ING1: variants seen among roughly 807,000 people sequenced by gnomAD.
ING1 encodes the protein inhibitor of growth protein 1.
In ING1, 4 loss-of-function variants were observed where a neutral mutation model predicts 23.1. That is an observed-to-expected ratio of 0.17 (90% CI 0.09 to 0.40). The LOEUF (loss-of-function observed/expected upper bound fraction) is 0.40, where lower values mean the gene tolerates loss of function less well. Among genes scored for constraint, ING1 ranks in the 10% least tolerant of loss-of-function variants. The pLI is 1.00. For missense variants in ING1, 256 were observed against 393.8 expected (o/e 0.65, Z 2.96); for synonymous variants, 179 against 166.4 (o/e 1.08, Z -0.58).
At chr13:110,712,677 G>A, upstream of ING1, 1 of 658,334 alleles carries the variant, frequency 1.5e-6, no homozygotes, top group South Asian at 1.5e-5. Context: ...ATGGCCTCAG[G>A]ACGCCGGCCG....
upstream of ING1, chr13:110,713,370 C>G: frequency 2.8e-6 from 3 of 1,058,542 alleles, no homozygotes; most frequent in Non-Finnish European, 3.4e-6. Context: ...AAGCAGGCCG[C>G]TCCCCTGCGT....
In ING1 at chr13:110,713,832, C is replaced by G. The variant is rs1471054461; in HGVS notation, c.-318C>G. The G allele has an allele frequency of 4.1e-6, 4 of 983,336 alleles. No homozygotes were observed. In the African/African-American group the frequency reaches 7.0e-5, roughly 17 times the overall value. The allele number at this position is 983,336 out of a possible 1,614,324, so 60.9% of individuals were successfully genotyped here. On this transcript the variant is annotated 5_prime_UTR_variant, in exon 1 of 2. Transcript: ENST00000333219. The stretch of plus-strand genomic sequence containing the variant: ...CGGCGGCCGCGGCGCTGGGCCCTCT[C>G]CCGCCGGTGTGTGCGCGCTCGTACG...
rs1468529427 is a variant in ING1 at position 110,721,650 on chromosome 13, A to C, written c.*1718A>C. ...GAGTGCAGTGGCCCAGTCTTGGCTC[A>C]CTGCAACCTCTGCCTCTCGGGTTCA... On this transcript the variant is annotated 3_prime_UTR_variant, in exon 2 of 2. Coordinates refer to ENST00000333219, the MANE Select transcript of ING1 (RefSeq NM_198219.3). The C allele has an allele frequency of 7.0e-6, 1 of 142,038 alleles. No homozygotes were observed. Among genetic ancestry groups the C allele is most frequent in the African/African-American group, 2.7e-5 (1 of 37,178 alleles). The allele number at this position is 142,038 out of a possible 1,614,324, so 8.8% of individuals were successfully genotyped here. A position where few individuals can be genotyped will look rare whatever the true frequency, so the allele number is the denominator to read the frequency against.
Position 110,713,769 on chromosome 13 carries a change from C to G in ING1, c.-381C>G. On this transcript the variant is annotated 5_prime_UTR_variant, in exon 1 of 2. Transcript: ENST00000333219. ...GCGCCCCTTCCCGCTGCCCGCTCCG[C>G]TCCTCTCTTCTACCCAGCCCAGTGG... 1 of 985,080 alleles carries G rather than the reference C, an allele frequency of 1.0e-6. No homozygotes were observed. Among genetic ancestry groups the G allele is most frequent in the East Asian group, 1.1e-4 (1 of 8,794 alleles). The allele number at this position is 985,080 out of a possible 1,614,324, so 61.0% of individuals were successfully genotyped here.
At chr13:110,715,057 T>C (rs2064096943) in intron 1 of ING1, 1 of 1,008,190 alleles carries the variant, frequency 9.9e-7, no homozygotes, top group Non-Finnish European at 1.2e-6. Flanking sequence ...GAGAGGACTG[T>C]GGCAGGTGAG....
chr13:110,714,768 C>T (rs7330080), intron 1 of ING1, among the ~76,000 whole-genome samples: 91,058 of 152,032 alleles, frequency 0.6, 30,187 homozygotes, highest in Non-Finnish European at 0.74. Context: ...TTCTTCGTCG[C>T]CCCCCACTCA....
upstream of ING1, chr13:110,713,209 T>G (rs371661157): frequency 3.9e-4 from 561 of 1,420,602 alleles, 3 homozygotes; most frequent in East Asian, 0.012. Context: ...CTACTGCGGT[T>G]GCCAGTTCTG....
intron 1 of ING1, chr13:110,715,631 A>T: frequency 6.2e-7 from 1 of 1,613,854 alleles, no homozygotes; most frequent in Non-Finnish European, 8.5e-7. Context: ...CTCGGCCTCC[A>T]GCCTTGGATT....
chr13:110,715,748 C>G (rs1259689159), intron 1 of ING1: 1 of 1,582,972 alleles, frequency 6.3e-7, no homozygotes, highest in African/African-American at 1.3e-5. Flanking sequence ...GGCGGCGGCT[C>G]TCGGGGTGCG....
At chr13:110,713,629 G>A (rs1001128742), upstream of ING1, 110 of 984,702 alleles carry the variant, frequency 1.1e-4, 3 homozygotes, top group South Asian at 4.1e-3. Context: ...CGTTGCCGGG[G>A]GAGGGGGCCG....
In ING1 at chr13:110,715,674, T is replaced by C. The variant is rs138090886; in HGVS notation, c.136+1389T>C. 4.4e-4 allele frequency: 715 copies of C among 1,607,278 alleles called. 5 individuals carry two copies. The African/African-American group carries it at 8.6e-3, about 19-fold the overall frequency. ...CTCGCTGCTGGGGCGGGCCGTGCTC[T>C]TCCGCCCTGCGGTGTGGTTGGTTCT... On this transcript the variant is annotated intron_variant, in intron 1 of 1. Coordinates refer to ENST00000333219, the MANE Select transcript of ING1 (RefSeq NM_198219.3).
At chr13:110,718,706 T>G (rs531168111) in intron 1 of ING1, among the ~76,000 whole-genome samples, 54 of 151,962 alleles carry the variant, frequency 3.6e-4, no homozygotes, top group Middle Eastern at 3.4e-3. Flanking sequence ...ATTTGAAATA[T>G]TCAAATAATT....
At position 110,722,151 on chromosome 13, in the gene ING1, G is replaced by A. The variant is rs994028522; in HGVS notation, c.*2219G>A. On this transcript the variant is annotated 3_prime_UTR_variant, in exon 2 of 2. Coordinates refer to ENST00000333219, the MANE Select transcript of ING1 (RefSeq NM_198219.3). ...GTTACTTGGTAGAGAAATGCAAATTGTAGTTGGTCATATACTAAAATTTGA... is the reference window on the plus strand; with the variant it reads ...GTTACTTGGTAGAGAAATGCAAATTATAGTTGGTCATATACTAAAATTTGA... The A allele has an allele frequency of 2.0e-5, 3 of 152,174 alleles. No individual in the cohort carries two copies. Among genetic ancestry groups the A allele is most frequent in the African/African-American group, 7.2e-5 (3 of 41,446 alleles). 9.4% of individuals were successfully genotyped at this position (152,174 alleles called of 1,614,324 possible).
chr13:110,716,548 C>G (rs1056790467), intron 1 of ING1, among the ~76,000 whole-genome samples: 9 of 152,198 alleles, frequency 5.9e-5, no homozygotes, highest in Middle Eastern at 3.4e-3. Flanking sequence ...ATTAGTTTGT[C>G]GATTTAAAAT....
At chr13:110,714,966 G>C in intron 1 of ING1, 1 of 988,194 alleles carries the variant, frequency 1.0e-6, no homozygotes, top group Non-Finnish European at 1.2e-6. Flanking sequence ...CGTAGGGAAG[G>C]GAAGGGAAGG....
rs2064169685 is a variant in ING1, at chr13:110,721,195, G to A, written c.*1263G>A. On this transcript the variant is annotated 3_prime_UTR_variant, in exon 2 of 2. Coordinates refer to ENST00000333219, the MANE Select transcript of ING1 (RefSeq NM_198219.3). ...CTATTTTCTGGCCCTCTGCAGAAAG[G>A]GTTTGCTGACCTCTGATTTAGACTA... is the stretch of plus-strand genomic sequence containing the variant. 1 of 158,776 alleles carries A rather than the reference G, an allele frequency of 6.3e-6. No individual in the cohort carries two copies. 9.8% of individuals were successfully genotyped at this position (158,776 alleles called of 1,614,324 possible). A position where few individuals can be genotyped will look rare whatever the true frequency, so the allele number is the denominator to read the frequency against.
rs1307304833 is a variant in ING1, at chr13:110,719,903, T to C, written c.811T>C (p.Ser271Pro). Residue 271 changes from serine (S) to proline (P), a missense_variant, in exon 2 of 2, where the codon TCC becomes CCC. Ser to Pro is a moderately conservative substitution (Grantham distance 74, BLOSUM62 -1). Coordinates refer to ENST00000333219, the MANE Select transcript of ING1 (RefSeq NM_198219.3). This position sits in a 1 kb window ranked among gnomAD's most constrained non-coding sequence, Gnocchi z 8.9. ...EKTMDKALEK[S>P]KKERAYNR is the part of the protein sequence containing the mutation. ...GACCATGGACAAAGCCCTGGAGAAA[T>C]CCAAAAAAGAGAGGGCTTACAACAG... The C allele has an allele frequency of 1.9e-6, 3 of 1,600,296 alleles. No homozygotes were observed. The East Asian group carries it at 6.7e-5, about 36-fold the overall frequency.
Position 110,719,294 on chromosome 13 carries a change from C to G in ING1, c.202C>G (p.Arg68Gly), listed in dbSNP as rs1315108065. Residue 68 changes from arginine (R) to glycine (G), a missense_variant, in exon 2 of 2, where the codon CGG becomes GGG. Arg to Gly is a moderately radical substitution (Grantham distance 125). This residue lies in a region of ING1 where 209 missense variants were observed against 273.8 expected (regional missense o/e 0.76). Coordinates refer to ENST00000333219, the MANE Select transcript of ING1 (RefSeq NM_198219.3). The surrounding 1 kb of genome is among the most constrained non-coding windows in gnomAD (Gnocchi z 8.9). ...TCGCGAGACAGACGGGGCGCAGAAG[C>G]GGCGGATGCTGCACTGTGTGCAGCG... is the stretch of plus-strand genomic sequence containing the variant. ...FSRETDGAQKRRMLHCVQRAL... is the reference protein window; with the variant it reads ...FSRETDGAQKGRMLHCVQRAL... 6.2e-7 allele frequency: 1 copy of G among 1,610,766 alleles called. No individual in the cohort carries two copies. Among genetic ancestry groups the G allele is most frequent in the Non-Finnish European group, 8.5e-7 (1 of 1,179,930 alleles).
chr13:110,712,739 C>G (rs1459197980), upstream of ING1: 2 of 700,236 alleles, frequency 2.9e-6, no homozygotes, highest in African/African-American at 1.7e-5. Context: ...GGAGCGGCCT[C>G]CGAGAACGGT....
Sources: allele counts gnomAD v4.1 joint callset (sites outside exome capture counted in the v4.1 genomes callset), GRCh38; gene constraint gnomAD v4.1.1; regional missense constraint gnomAD v4.1.1; non-coding constraint Gnocchi (gnomAD v3.1); transcripts MANE v1.5; gene names NCBI Gene and HGNC (gene_info 2026-07-23, HGNC 2026-07-21).